The following DSCAML1 variants were observed in gnomAD, a reference collection of about 807,000 sequenced individuals.
The protein encoded by DSCAML1 is DS cell adhesion molecule like 1.
A neutral mutation model predicts 200.5 loss-of-function variants in DSCAML1; 38 were observed. The ratio of observed to expected loss-of-function variants is 0.19; its 90% CI spans 0.15 to 0.25. The LOEUF (loss-of-function observed/expected upper bound fraction) is 0.25, where lower values mean the gene tolerates loss of function less well. DSCAML1 is among the 10% of genes least tolerant of loss of function. The probability of loss-of-function intolerance (pLI) is 1.00; values close to 1 mark genes in which losing one functional copy is unlikely to be tolerated. For missense variants in DSCAML1, 2,223 were observed against 2,858.8 expected, an observed-to-expected ratio of 0.78 and a Z score of 5.07; for synonymous variants, 1,215 against 1,165.0, an observed-to-expected ratio of 1.04 and a Z score of -0.87.
intron 14 of DSCAML1, among the ~76,000 whole-genome samples, chr11:117,477,222 C>CACACACACAT (rs2048810988): frequency 6.6e-6 from 1 of 151,592 alleles, no homozygotes; most frequent in African/African-American, 2.4e-5. Flanking sequence ...CACACACACA[C>CACACACACAT]ACACGTGCAC....
intron 3 of DSCAML1, among the ~76,000 whole-genome samples, chr11:117,682,706 G>A (rs2053332485): frequency 6.6e-6 from 1 of 152,080 alleles, no homozygotes; most frequent in Non-Finnish European, 1.5e-5. Context: ...CTTACCCCTC[G>A]CTCCCAGCCA....
Position 117,811,901 on chromosome 11 carries a change from C to A in DSCAML1, c.-250+5489G>T, listed in dbSNP as rs185401312. 2.3e-3 allele frequency among the ~76,000 whole-genome samples: 347 copies of A among 152,316 alleles called. 1 individual carries two copies. The highest frequency in any genetic ancestry group is 6.8e-3 in the Middle Eastern group (2 of 294). Reference sequence around the variant, plus strand: ...TCTTTTCAAAGGCCTGTTTCCCTTGCCTCCATAACTGCTGTGCGTATTGAC... The same window carrying A: ...TCTTTTCAAAGGCCTGTTTCCCTTGACTCCATAACTGCTGTGCGTATTGAC... On this transcript the variant is annotated intron_variant, in intron 1 of 2. Coordinates refer to the DSCAML1 transcript ENST00000525836.
At chr11:117,442,098 ATGTTGTG>A (rs2048066283) in intron 21 of DSCAML1, among the ~76,000 whole-genome samples, 1 of 150,930 alleles carries the variant, frequency 6.6e-6, no homozygotes, top group South Asian at 2.1e-4. Flanking sequence ...ATGTGAGTGC[ATGTTGTG>A]TATGTGCATA....
intron 3 of DSCAML1, among the ~76,000 whole-genome samples, chr11:117,774,287 G>A (rs74835404): frequency 0.042 from 6,394 of 152,230 alleles, 197 homozygotes; most frequent in Non-Finnish European, 0.065. Context: ...ATCCAGTTCC[G>A]GCCCGTGGGA....
chr11:117,689,996 G>A (rs898316906), intron 3 of DSCAML1, among the ~76,000 whole-genome samples: 8 of 152,256 alleles, frequency 5.3e-5, no homozygotes, highest in South Asian at 4.2e-4. Flanking sequence ...GCTTCTAGCC[G>A]GAGGTGTTCT....
chr11:117,441,057 C>T (rs2048036142), intron 21 of DSCAML1, among the ~76,000 whole-genome samples: 1 of 151,418 alleles, frequency 6.6e-6, no homozygotes, highest in Non-Finnish European at 1.5e-5. Flanking sequence ...GGCCAGAATG[C>T]AGGCTGGAGG....
chr11:117,508,158 TCTC>T (rs2049541593), intron 8 of DSCAML1, among the ~76,000 whole-genome samples: 1 of 152,062 alleles, frequency 6.6e-6, no homozygotes, highest in Admixed American at 6.6e-5. Context: ...GCCAAGTCCT[TCTC>T]CTGCTCACAA....
intron 20 of DSCAML1, among the ~76,000 whole-genome samples, chr11:117,448,187 C>T (rs549596641): frequency 1.3e-5 from 2 of 152,272 alleles, no homozygotes; most frequent in East Asian, 3.9e-4. Flanking sequence ...AGTGAGGAGG[C>T]GTGGCTCCCG....
intron 1 of DSCAML1, among the ~76,000 whole-genome samples, chr11:117,812,486 C>T (rs975935552): frequency 3.6e-4 from 55 of 151,958 alleles, no homozygotes; most frequent in Non-Finnish European, 5.1e-4. Context: ...GCAATACCTC[C>T]CTCCACAATC....
intron 15 of DSCAML1, 48 bp downstream of exon 15, chr11:117,471,821 T>C (rs114831648): frequency 0.022 from 30,373 of 1,351,362 alleles, 425 homozygotes; most frequent in Middle Eastern, 0.077. Context: ...CCCCTGGTGG[T>C]CCTGATCCCT....
Position 117,780,304 on chromosome 11 carries a change from G to GAAAGAAAGAAAGAAAGAAAGAAAAAGAA in DSCAML1, c.364+188_364+189insTTCTTTTTCTTTCTTTCTTTCTTTCTTT. On this transcript the variant is annotated intron_variant, in intron 2 of 32. Coordinates refer to ENST00000651296, the MANE Select transcript of DSCAML1 (RefSeq NM_020693.4). The surrounding 1 kb of genome is among the most constrained non-coding windows in gnomAD (Gnocchi z 4.8). ...AGAAAGAAAGAAAGAAAGAAAGAAAGAGAGAAAGGAGAAAGAAAGGTGTCT... is the reference window on the plus strand; with the variant it reads ...AGAAAGAAAGAAAGAAAGAAAGAAAGAAAGAAAGAAAGAAAGAAAGAAAAAGAAAGAGAAAGGAGAAAGAAAGGTGTCT... 1.0e-5 allele frequency among the ~76,000 whole-genome samples: 1 copy of GAAAGAAAGAAAGAAAGAAAGAAAAAGAA among 98,440 alleles called. No homozygotes were observed. Among genetic ancestry groups the GAAAGAAAGAAAGAAAGAAAGAAAAAGAA allele is most frequent in the East Asian group, 2.8e-4 (1 of 3,530 alleles). 64.6% of individuals were successfully genotyped at this position (98,440 alleles called of 152,430 possible). A position where few individuals can be genotyped will look rare whatever the true frequency, so the allele number is the denominator to read the frequency against.
At chr11:117,663,556 C>A (rs923831299) in intron 3 of DSCAML1, among the ~76,000 whole-genome samples, 2 of 152,116 alleles carry the variant, frequency 1.3e-5, no homozygotes, top group African/African-American at 4.8e-5. Context: ...CCCACTGCCA[C>A]TGGAAGGAGT....
chr11:117,495,445 C>T (rs764191396), intron 11 of DSCAML1, among the ~76,000 whole-genome samples: 1 of 152,162 alleles, frequency 6.6e-6, no homozygotes, highest in Non-Finnish European at 1.5e-5. Flanking sequence ...GAGGACTAGG[C>T]AGGGAGGGGT....
At chr11:117,773,796 C>T (rs10790208) in intron 3 of DSCAML1, among the ~76,000 whole-genome samples, 120,536 of 151,974 alleles carry the variant, frequency 0.79, 48,254 homozygotes, top group Non-Finnish European at 0.84. Context: ...AGACTGGCCC[C>T]GGATCTAACA....
chr11:117,799,926 T>C (rs1193419456), upstream of DSCAML1, among the ~76,000 whole-genome samples: 2 of 152,248 alleles, frequency 1.3e-5, no homozygotes, highest in East Asian at 1.9e-4. Flanking sequence ...ACAGCTCCAC[T>C]GGGGGAATGC....
At chr11:117,646,639 T>C (rs2052527532) in intron 3 of DSCAML1, among the ~76,000 whole-genome samples, 1 of 152,222 alleles carries the variant, frequency 6.6e-6, no homozygotes, top group South Asian at 2.1e-4. Context: ...TGTGCATTTC[T>C]TCCCAATCCC....
At chr11:117,495,975 C>T (rs1340740094) in intron 11 of DSCAML1, among the ~76,000 whole-genome samples, 1 of 152,238 alleles carries the variant, frequency 6.6e-6, no homozygotes, top group African/African-American at 2.4e-5. Context: ...GTCAGGTGAG[C>T]GCCTCATTGC....
rs796997897 is a variant in DSCAML1 at position 117,721,311 on chromosome 11, G to A, written c.511+55480C>T. ...AAAATGTGCTACAATGTCTGCCCAC[G>A]TGTCCTGAGTCTTCCTTTCGGAGAT... On this transcript the variant is annotated intron_variant, in intron 3 of 32. Transcript: ENST00000651296. Among the ~76,000 whole-genome samples, 4 of 152,320 alleles carry A rather than the reference G, an allele frequency of 2.6e-5. No homozygotes were observed. The East Asian group carries it at 7.7e-4, about 29-fold the overall frequency.
intron 8 of DSCAML1, among the ~76,000 whole-genome samples, chr11:117,514,219 T>C (rs1407648837): frequency 6.6e-6 from 1 of 152,188 alleles, no homozygotes; most frequent in Non-Finnish European, 1.5e-5. Context: ...TCTCCTCCCC[T>C]GGTCAACGCT....
Sources: gnomAD v4.1 joint callset for allele counts (sites outside exome capture counted in the v4.1 genomes callset) on GRCh38, gnomAD v4.1.1 for gene constraint, Gnocchi (gnomAD v3.1) non-coding constraint, MANE v1.5 for transcripts, NCBI Gene and HGNC (gene_info 2026-07-23, HGNC 2026-07-21) for gene names.